The following AHRR variants were observed in gnomAD, a reference collection of about 807,000 sequenced individuals.
AHRR encodes aryl hydrocarbon receptor repressor, also known as ahR repressor.
AHRR carries 28 observed loss-of-function variants against 44.0 expected under a neutral mutation model. That is an observed-to-expected ratio of 0.64 (90% confidence interval 0.47 to 0.87). The LOEUF (loss-of-function observed/expected upper bound fraction) is 0.87, where lower values mean the gene tolerates loss of function less well. Ranked by LOEUF, AHRR falls within the 40% of genes least tolerant of loss-of-function variation. AHRR has a pLI of 0.00. For synonymous variants in AHRR, 434 were observed against 407.0 expected (o/e 1.07, Z -0.80); for missense variants, 990 against 953.9 (o/e 1.04, Z -0.50).
At chr5:361,045 T>C (rs1183155857) in intron 3 of AHRR, among the ~76,000 whole-genome samples, 1 of 151,968 alleles carries the variant, frequency 6.6e-6, no homozygotes, top group Non-Finnish European at 1.5e-5. Context: ...GGTCAGGAGT[T>C]CAAGACCAGC....
At chr5:424,465 G>A (rs55744551) in intron 7 of AHRR, among the ~76,000 whole-genome samples, 10,778 of 109,394 alleles carry the variant, frequency 0.099, 83 homozygotes, top group Non-Finnish European at 0.17. Context: ...TGTCTCTGGT[G>A]GGTGGGAGAG....
intron 4 of AHRR, among the ~76,000 whole-genome samples, chr5:409,267 G>A (rs1735382587): frequency 6.6e-6 from 1 of 152,194 alleles, no homozygotes; most frequent in African/African-American, 2.4e-5. Context: ...TGTAGCTTTT[G>A]ATTATTATGA....
At chr5:401,092 T>A (rs567055036) in intron 4 of AHRR, among the ~76,000 whole-genome samples, 1 of 152,324 alleles carries the variant, frequency 6.6e-6, no homozygotes, top group East Asian at 1.9e-4. Flanking sequence ...TCTGTTCCCT[T>A]TCAGCAGATG....
chr5:386,239 T>A (rs1579649852), intron 4 of AHRR, among the ~76,000 whole-genome samples: 1 of 152,244 alleles, frequency 6.6e-6, no homozygotes, highest in East Asian at 1.9e-4. Context: ...CCTTGAATAT[T>A]AGTCCCATAT....
At chr5:430,219 C>G (rs1344932240) in intron 8 of AHRR, among the ~76,000 whole-genome samples, 2 of 152,274 alleles carry the variant, frequency 1.3e-5, no homozygotes, top group African/African-American at 4.8e-5. Flanking sequence ...GCGGTCTTGA[C>G]TGACCTTGTC....
chr5:325,908 G>A (rs576506710), intron 1 of AHRR, among the ~76,000 whole-genome samples: 5 of 151,596 alleles, frequency 3.3e-5, no homozygotes, highest in East Asian at 3.9e-4. Context: ...TTAGCCTCCC[G>A]AGTAGCTGGG....
chr5:371,804 C>T (rs1743590021), intron 3 of AHRR, among the ~76,000 whole-genome samples: 1 of 152,216 alleles, frequency 6.6e-6, no homozygotes, highest in African/African-American at 2.4e-5. Context: ...GAGTCCTAAA[C>T]CGAGTCAGCT....
At chr5:322,654 G>A (rs1277791321) in intron 1 of AHRR, 1 of 152,242 alleles carries the variant, frequency 6.6e-6, no homozygotes, top group Non-Finnish European at 1.5e-5. Flanking sequence ...TACGAACGAG[G>A]ACATCAAGGT....
At chr5:424,242 G>C (rs1024842704) in intron 7 of AHRR, among the ~76,000 whole-genome samples, 2 of 150,252 alleles carry the variant, frequency 1.3e-5, no homozygotes, top group Admixed American at 6.6e-5. Flanking sequence ...TGTCTCTGGT[G>C]GGGGGGCGAG....
At chr5:328,255 ATTTTTTTTTTTTT>A (rs70955232) in intron 1 of AHRR, among the ~76,000 whole-genome samples, 17 of 54,256 alleles carry the variant, frequency 3.1e-4, no homozygotes, top group East Asian at 1.5e-3. Flanking sequence ...CCAACATCTG[ATTTTTTTTTTTTT>A]TTTTTTTTTT....
chr5:424,551 C>T (rs576299863), intron 7 of AHRR, among the ~76,000 whole-genome samples: 5 of 151,636 alleles, frequency 3.3e-5, no homozygotes, highest in African/African-American at 7.2e-5. Context: ...ATGAGTCAAC[C>T]GTGAGGCCTG....
Position 353,922 on chromosome 5 carries a change from C to G in AHRR, c.244+11C>G, listed in dbSNP as rs751628372. ...AGAGCTTCTTCCAAGGTAGGACTCT[C>G]ACCTGCTCCCACCTGTTCACTTGAG... is the stretch of plus-strand genomic sequence containing the variant. On this transcript the variant is annotated intron_variant, in intron 3 of 10. Coordinates refer to ENST00000684583, the MANE Select transcript of AHRR (RefSeq NM_001377236.1). The G allele has an allele frequency of 8.1e-6, 13 of 1,603,806 alleles. No individual in the cohort carries two copies. The highest frequency in any genetic ancestry group is 1.1e-5 in the South Asian group (1 of 89,298).
Position 336,033 on chromosome 5 carries a change from A to T in AHRR, c.-10-7860A>T, listed in dbSNP as rs187560921. On this transcript the variant is annotated intron_variant, in intron 1 of 10. Coordinates refer to ENST00000684583, the MANE Select transcript of AHRR (RefSeq NM_001377236.1). ...CGGACTGGCACTGCTTGTACCAGGA[A>T]CATGCACCGTCTGCTAAGAACTAGG... Among the ~76,000 whole-genome samples the T allele has an allele frequency of 1.7e-3, 257 of 152,364 alleles. 2 individuals carry two copies. Among genetic ancestry groups the T allele is most frequent in the African/African-American group, 5.8e-3 (241 of 41,582 alleles).
intron 3 of AHRR, among the ~76,000 whole-genome samples, chr5:366,314 G>C (rs567079062): frequency 1.3e-5 from 2 of 152,142 alleles, no homozygotes; most frequent in African/African-American, 2.4e-5. Flanking sequence ...CACAGAAGCC[G>C]TCTTGAAGGG....
chr5:363,091 A>T (rs997124821), intron 3 of AHRR, among the ~76,000 whole-genome samples: 2 of 152,278 alleles, frequency 1.3e-5, no homozygotes, highest in South Asian at 4.1e-4. Flanking sequence ...CCGCATGTGA[A>T]CCTCTTCCCA....
chr5:341,689 T>A (rs1054845407), intron 1 of AHRR, among the ~76,000 whole-genome samples: 3 of 152,052 alleles, frequency 2.0e-5, no homozygotes, highest in Non-Finnish European at 4.4e-5. Context: ...GCCCTGCCAA[T>A]TTTTCTTTAT....
intron 5 of AHRR, among the ~76,000 whole-genome samples, chr5:415,374 GGTGGGAGGC>G (rs1735696942): frequency 7.1e-6 from 1 of 140,922 alleles, no homozygotes; most frequent in Admixed American, 7.2e-5. Flanking sequence ...TCCCTGGTCG[GGTGGGAGGC>G]CTAGGGGCCG....
intron 1 of AHRR, among the ~76,000 whole-genome samples, chr5:323,125 T>G (rs1741564976): frequency 6.6e-6 from 1 of 152,182 alleles, no homozygotes; most frequent in Non-Finnish European, 1.5e-5. Context: ...GCTGAGCCCC[T>G]GGCTGCAGTG....
intron 5 of AHRR, among the ~76,000 whole-genome samples, chr5:416,866 G>A (rs1735839160): frequency 6.6e-6 from 1 of 152,142 alleles, no homozygotes. Flanking sequence ...TTTGTGCAGG[G>A]CCCATGTCTA....
Sources: allele counts gnomAD v4.1 joint callset (sites outside exome capture counted in the v4.1 genomes callset), GRCh38; gene constraint gnomAD v4.1.1; transcripts MANE v1.5; gene names NCBI Gene and HGNC (gene_info 2026-07-23, HGNC 2026-07-21).